The following SPOCK1 variants were observed in gnomAD, a reference collection of about 807,000 sequenced individuals.
SPOCK1 encodes the protein SPARC (osteonectin), cwcv and kazal like domains proteoglycan 1, also known as testican-1.
SPOCK1 carries 23 observed loss-of-function variants against 55.3 expected under a neutral mutation model. The observed-to-expected ratio is 0.42, with a 90% CI of 0.30 to 0.59. SPOCK1 has a LOEUF of 0.59. SPOCK1 is among the 20% of genes least tolerant of loss of function. The pLI, the probability that SPOCK1 is intolerant of heterozygous loss-of-function variation, is 0.22. For synonymous variants in SPOCK1, 226 were observed against 221.0 expected, an observed-to-expected ratio of 1.02 and a Z score of -0.20; for missense variants, 499 against 552.5, an observed-to-expected ratio of 0.90 and a Z score of 0.97.
intron 2 of SPOCK1, among the ~76,000 whole-genome samples, chr5:137,370,996 C>T (rs142263159): frequency 1.3e-5 from 2 of 152,350 alleles, no homozygotes; most frequent in Non-Finnish European, 2.9e-5. Flanking sequence ...TGTCAATGGC[C>T]ACCATGTACT....
At chr5:137,097,328 A>T (rs1222153836) in intron 5 of SPOCK1, among the ~76,000 whole-genome samples, 6 of 152,312 alleles carry the variant, frequency 3.9e-5, no homozygotes, top group Middle Eastern at 3.4e-3. Flanking sequence ...CAGACCTGAG[A>T]AGGTTCCAGT....
chr5:137,103,823 T>C (rs1466272893), intron 5 of SPOCK1, among the ~76,000 whole-genome samples: 2 of 152,242 alleles, frequency 1.3e-5, no homozygotes, highest in Admixed American at 1.3e-4. Flanking sequence ...TTTAAACTAA[T>C]AGTTGAGGAT....
At chr5:137,243,256 C>A (rs980563663) in intron 3 of SPOCK1, among the ~76,000 whole-genome samples, 11 of 152,110 alleles carry the variant, frequency 7.2e-5, no homozygotes, top group African/African-American at 2.2e-4. Context: ...CACGCTGAGG[C>A]CTTAAGATGC....
intron 2 of SPOCK1, among the ~76,000 whole-genome samples, chr5:137,374,825 G>A (rs1471199451): frequency 6.6e-6 from 1 of 152,114 alleles, no homozygotes; most frequent in Admixed American, 6.5e-5. Flanking sequence ...TAAGGAAAGT[G>A]AGGTTAAGTA....
chr5:137,296,989 G>A (rs1012761746), intron 2 of SPOCK1, among the ~76,000 whole-genome samples: 5 of 152,126 alleles, frequency 3.3e-5, no homozygotes, highest in Admixed American at 2.6e-4. Context: ...ACAGACAAGA[G>A]TATCTATGTG....
intron 6 of SPOCK1, among the ~76,000 whole-genome samples, chr5:137,048,326 GTA>G (rs1752139864): frequency 9.1e-6 from 1 of 110,042 alleles, no homozygotes; most frequent in Non-Finnish European, 1.8e-5. Context: ...GGCTGCTCCT[GTA>G]TTGGGTGCAT....
intron 2 of SPOCK1, among the ~76,000 whole-genome samples, chr5:137,268,673 C>A (rs547308153): frequency 2.0e-5 from 3 of 152,280 alleles, no homozygotes; most frequent in African/African-American, 7.2e-5. Flanking sequence ...TTCTGCTATT[C>A]TCAAGGGCAG....
At chr5:137,459,749 G>T (rs532011677) in intron 2 of SPOCK1, among the ~76,000 whole-genome samples, 35 of 152,124 alleles carry the variant, frequency 2.3e-4, no homozygotes, top group African/African-American at 8.2e-4. Context: ...GAGATAAAAA[G>T]GTAAAATAAC....
chr5:137,473,675 A>T (rs1417972881), intron 2 of SPOCK1, among the ~76,000 whole-genome samples: 1 of 152,224 alleles, frequency 6.6e-6, no homozygotes, highest in East Asian at 1.9e-4. Flanking sequence ...ATGGAAACAA[A>T]ATCACTTTAA....
At chr5:137,160,624 T>A (rs149276811) in intron 3 of SPOCK1, among the ~76,000 whole-genome samples, 26,344 of 68,230 alleles carry the variant, frequency 0.39, 5,520 homozygotes, top group Middle Eastern at 0.49. Context: ...AATATATATT[T>A]TATATAATAT....
chr5:137,015,326 T>C (rs557138540), intron 6 of SPOCK1, among the ~76,000 whole-genome samples: 2 of 150,386 alleles, frequency 1.3e-5, no homozygotes, highest in Non-Finnish European at 2.9e-5. Flanking sequence ...AGTGGGCACC[T>C]GTAGTCCCAG....
intron 2 of SPOCK1, chr5:137,273,512 G>A (rs1347408600): frequency 2.8e-6 from 1 of 359,902 alleles, no homozygotes; most frequent in African/African-American, 2.2e-5. Flanking sequence ...AGGTCATCCA[G>A]ATATGCTCTC....
Position 137,395,272 on chromosome 5 carries a change from G to A in SPOCK1, c.186+103101C>T, listed in dbSNP as rs1228450521. Among the ~76,000 whole-genome samples, 4 of 152,212 alleles carry A rather than the reference G, an allele frequency of 2.6e-5. No homozygotes were observed. The East Asian group carries it at 5.8e-4, about 22-fold the overall frequency. ...CTGGATACATTCCTCTAATTCATCA[G>A]GAATTCATACAAATGTCAGGTGTGC... On this transcript the variant is annotated intron_variant, in intron 2 of 10. Transcript: ENST00000394945.
chr5:137,005,176 T>C (rs1209660137), intron 6 of SPOCK1, among the ~76,000 whole-genome samples: 1 of 152,176 alleles, frequency 6.6e-6, no homozygotes, highest in Non-Finnish European at 1.5e-5. Context: ...GCCATTTTTA[T>C]AGGAGGCCAT....
chr5:137,176,716 C>A (rs1754860013), intron 3 of SPOCK1, among the ~76,000 whole-genome samples: 1 of 152,064 alleles, frequency 6.6e-6, no homozygotes, highest in Non-Finnish European at 1.5e-5. Context: ...ACTGTAGGGG[C>A]CAGACAGGCT....
At chr5:137,118,504 G>A (rs1753631184) in intron 4 of SPOCK1, among the ~76,000 whole-genome samples, 1 of 152,098 alleles carries the variant, frequency 6.6e-6, no homozygotes, top group Non-Finnish European at 1.5e-5. Context: ...TCCCCCACAG[G>A]GGACACCAAG....
intron 6 of SPOCK1, among the ~76,000 whole-genome samples, chr5:137,040,359 T>C (rs17170898): frequency 0.026 from 3,988 of 152,352 alleles, 199 homozygotes; most frequent in African/African-American, 0.091. Flanking sequence ...GCCCAAGCAC[T>C]GCACTGTGGC....
intron 1 of SPOCK1, among the ~76,000 whole-genome samples, chr5:137,498,871 G>A (rs1488087493): frequency 6.6e-6 from 1 of 150,916 alleles, no homozygotes; most frequent in Non-Finnish European, 1.5e-5. Context: ...CCCCTCCCCA[G>A]AAGCGGGGAG....
intron 3 of SPOCK1, among the ~76,000 whole-genome samples, chr5:137,253,814 C>A (rs1756585825): frequency 6.6e-6 from 1 of 152,230 alleles, no homozygotes; most frequent in Non-Finnish European, 1.5e-5. Context: ...TCCCTGTGAG[C>A]AACCTACAAA....
Sources: gnomAD v4.1 joint callset for allele counts (sites outside exome capture counted in the v4.1 genomes callset) on GRCh38, gnomAD v4.1.1 for gene constraint, MANE v1.5 for transcripts, NCBI Gene and HGNC (gene_info 2026-07-23, HGNC 2026-07-21) for gene names.